INPP4A: variants seen among roughly 807,000 people sequenced by gnomAD.
INPP4A encodes inositol polyphosphate-4-phosphatase type I A.
In INPP4A, 33 loss-of-function variants were observed where a neutral mutation model predicts 119.8. The ratio of observed to expected loss-of-function variants is 0.28; its 90% confidence interval spans 0.21 to 0.37. INPP4A has a LOEUF of 0.37. INPP4A is among the 10% of genes least tolerant of loss of function. The pLI is 1.00. For synonymous variants in INPP4A, 496 were observed against 500.7 expected (o/e 0.99, Z 0.12); for missense variants, 956 against 1,289.9 (o/e 0.74, Z 3.97).
At chr2:98,541,623 C>T (rs941812781) in intron 10 of INPP4A, among the ~76,000 whole-genome samples, 2 of 152,078 alleles carry the variant, frequency 1.3e-5, no homozygotes, top group African/African-American at 4.8e-5. Context: ...GCTCTGTCAC[C>T]CAGGCTGGAG....
Position 98,533,404 on chromosome 2 carries a change from T to G in INPP4A, c.179T>G (p.Leu60Arg). ...LACSELHTPSLDRKPNSFVAV... is the reference protein window; with the variant it reads ...LACSELHTPSRDRKPNSFVAV... ...TGCAGTGAGCTGCATACTCCATCGC[T>G]AGATCGAAAGCCAAATAGTTTTGTT... is the stretch of plus-strand genomic sequence containing the variant. Residue 60 changes from leucine to arginine, a missense_variant, in exon 5 of 25, where the codon CTA becomes CGA. By Grantham distance (102) the Leu-to-Arg change is moderately radical. This residue lies in a region of INPP4A where 652 missense variants were observed against 797.9 expected (regional missense o/e 0.82). Transcript: ENST00000409851. 6.2e-7 allele frequency: 1 copy of G among 1,613,474 alleles called. No individual in the cohort carries two copies.
intron 1 of INPP4A, among the ~76,000 whole-genome samples, chr2:98,464,259 A>G (rs1674263310): frequency 6.6e-6 from 1 of 152,020 alleles, no homozygotes; most frequent in Non-Finnish European, 1.5e-5. Flanking sequence ...GAGCCGTCAG[A>G]TTCATGGGGC....
Position 98,520,196 on chromosome 2 carries a change from C to T in INPP4A, c.106+42C>T. On this transcript the variant is annotated intron_variant, in intron 3 of 24. Transcript: ENST00000409851. ...CTGCACCGGGCTCCAGGTATGAGCTCACAGCACCTGGGCTCCACACTGCAG... is the reference window on the plus strand; with the variant it reads ...CTGCACCGGGCTCCAGGTATGAGCTTACAGCACCTGGGCTCCACACTGCAG... 3.5e-6 allele frequency: 5 copies of T among 1,430,816 alleles called. No individual in the cohort carries two copies. The South Asian group carries it at 3.7e-5, about 11-fold the overall frequency. The allele number at this position is 1,430,816 out of a possible 1,614,324, so 88.6% of individuals were successfully genotyped here.
At chr2:98,560,082 G>T (rs1378286908) in intron 17 of INPP4A, among the ~76,000 whole-genome samples, 1 of 152,168 alleles carries the variant, frequency 6.6e-6, no homozygotes, top group East Asian at 1.9e-4. Flanking sequence ...CAGAGAACCC[G>T]TGGCCTTCAA....
chr2:98,499,793 T>G (rs904743335), intron 1 of INPP4A, among the ~76,000 whole-genome samples: 1 of 152,360 alleles, frequency 6.6e-6, no homozygotes, highest in East Asian at 1.9e-4. Context: ...ATCGTAACTT[T>G]CAAGGACAAA....
intron 1 of INPP4A, among the ~76,000 whole-genome samples, chr2:98,494,503 T>G (rs538109052): frequency 6.6e-6 from 1 of 151,980 alleles, no homozygotes; most frequent in Non-Finnish European, 1.5e-5. Flanking sequence ...TCTAGAACAG[T>G]GACTCCAACA....
rs147644045 is a variant in INPP4A at position 98,581,950 on chromosome 2, TTTG to T, written c.2786+4810_2786+4812del. ...CAAATTATTTCACCAAGAAGACTTG[TTTG>T]TTTAGCTCCTGTAGCATCTTCAGTG... On this transcript the variant is annotated intron_variant, in intron 24 of 24. Transcript: ENST00000409851. 1.2e-3 allele frequency: 1,099 copies of T among 889,002 alleles called. 12 individuals carry two copies. In the East Asian group the frequency reaches 0.029, roughly 24 times the overall value. The allele number at this position is 889,002 out of a possible 1,614,324, so 55.1% of individuals were successfully genotyped here. A position where few individuals can be genotyped will look rare whatever the true frequency, so the allele number is the denominator to read the frequency against.
intron 1 of INPP4A, among the ~76,000 whole-genome samples, chr2:98,494,463 G>A (rs35455711): frequency 6.6e-6 from 1 of 152,128 alleles, no homozygotes; most frequent in African/African-American, 2.4e-5. Flanking sequence ...GTCACTCCGA[G>A]AGAAGTGGGA....
At chr2:98,447,587 A>G (rs1161588842) in intron 1 of INPP4A, among the ~76,000 whole-genome samples, 2 of 152,046 alleles carry the variant, frequency 1.3e-5, no homozygotes, top group Admixed American at 1.3e-4. Context: ...TCAGACTTAC[A>G]GAAAAGTTGC....
At chr2:98,496,461 C>T (rs1196246268) in intron 1 of INPP4A, among the ~76,000 whole-genome samples, 7 of 152,086 alleles carry the variant, frequency 4.6e-5, no homozygotes, top group Non-Finnish European at 8.8e-5. Flanking sequence ...GACATTGGTA[C>T]GGGCAAGGCT....
intron 9 of INPP4A, 151 bp from the exon 10 acceptor site, chr2:98,539,377 G>A: frequency 1.3e-6 from 1 of 773,480 alleles, no homozygotes; most frequent in Non-Finnish European, 2.0e-6. Flanking sequence ...GCCACTTGGT[G>A]GGTTTTCGGT....
chr2:98,528,007 C>T (rs1688487914), intron 4 of INPP4A, among the ~76,000 whole-genome samples: 1 of 152,136 alleles, frequency 6.6e-6, no homozygotes, highest in African/African-American at 2.4e-5. Context: ...GAAAGTATGG[C>T]TCATACACAG....
rs754635311 is a variant in INPP4A at position 98,577,108 on chromosome 2, G to A, written c.2751G>A (p.Pro917=). 7.4e-6 allele frequency: 12 copies of A among 1,613,348 alleles called. No homozygotes were observed. The highest frequency in any genetic ancestry group is 2.7e-5 in the African/African-American group (2 of 75,042). The part of the protein sequence containing the change: ...LILQHEHGMA[P]QVFTQALECM... Reference sequence around the variant, plus strand: ...TGCAACACGAGCATGGCATGGCCCCGCAGGTCTTCACCCAGGCCCTGGAGT... The same window carrying A: ...TGCAACACGAGCATGGCATGGCCCCACAGGTCTTCACCCAGGCCCTGGAGT... Residue 917 remains proline, a synonymous_variant, in exon 24 of 25, where the codon CCG becomes CCA. Transcript: ENST00000409851.
At position 98,546,632 on chromosome 2, in the gene INPP4A, C is replaced by T. The variant is rs113269218; in HGVS notation, c.1101C>T (p.Cys367=). 1.2e-6 allele frequency: 2 copies of T among 1,613,928 alleles called. No individual in the cohort carries two copies. Among genetic ancestry groups the T allele is most frequent in the Non-Finnish European group, 8.5e-7 (1 of 1,179,800 alleles). ...CCATTGGGGCGCCAGCAGCACACTG[C>T]CAAGGTTTTAAGTCAGGAGGTCTCC... The part of the protein sequence containing the change: ...IVTIGAPAAH[C]QGFKSGGLRK... The change falls in exon 13 of 25, where the codon TGC becomes TGT. Residue 367 remains cysteine (C), a synonymous_variant. Coordinates refer to ENST00000409851, the MANE Select transcript of INPP4A (RefSeq NM_001134225.2). This position sits in a 1 kb window ranked among gnomAD's most constrained non-coding sequence, Gnocchi z 4.2.
At chr2:98,491,323 C>A (rs143754055) in intron 1 of INPP4A, among the ~76,000 whole-genome samples, 1 of 152,226 alleles carries the variant, frequency 6.6e-6, no homozygotes, top group Non-Finnish European at 1.5e-5. Flanking sequence ...CTGGACGCAG[C>A]GCCACGTAGG....
At chr2:98,582,824 G>T (rs767961458) in intron 24 of INPP4A, among the ~76,000 whole-genome samples, 12 of 148,350 alleles carry the variant, frequency 8.1e-5, no homozygotes, top group Admixed American at 4.7e-4. Context: ...AGATCACCTA[G>T]TGCATAAGTC....
intron 21 of INPP4A, 121 bp from the exon 22 acceptor site, chr2:98,568,450 G>C: frequency 1.6e-6 from 1 of 632,106 alleles, no homozygotes; most frequent in Non-Finnish European, 2.9e-6. Context: ...GAGTGGCTTA[G>C]AATTTAGATA....
At chr2:98,553,983 G>C (rs1397583183) in intron 14 of INPP4A, among the ~76,000 whole-genome samples, 1 of 152,228 alleles carries the variant, frequency 6.6e-6, no homozygotes, top group African/African-American at 2.4e-5. Context: ...CCCTCCCCTA[G>C]CAATCACAGG....
chr2:98,525,994 A>T (rs1048943894), intron 4 of INPP4A, among the ~76,000 whole-genome samples: 8 of 152,250 alleles, frequency 5.3e-5, no homozygotes, highest in African/African-American at 1.9e-4. Flanking sequence ...TCACAAAAAG[A>T]CATGAACAAC....
Sources: allele counts gnomAD v4.1 joint callset (sites outside exome capture counted in the v4.1 genomes callset), GRCh38; gene constraint gnomAD v4.1.1; regional missense constraint gnomAD v4.1.1; non-coding constraint Gnocchi (gnomAD v3.1); transcripts MANE v1.5; gene names NCBI Gene and HGNC (gene_info 2026-07-23, HGNC 2026-07-21).